RABGAP1L: variants seen among roughly 807,000 people sequenced by gnomAD.
RABGAP1L encodes rab GTPase-activating protein 1-like.
RABGAP1L carries 63 observed loss-of-function variants against 137.7 expected under a neutral mutation model. The ratio of observed to expected loss-of-function variants is 0.46; its 90% confidence interval spans 0.37 to 0.56. The LOEUF (loss-of-function observed/expected upper bound fraction) is 0.56. Among genes scored for constraint, RABGAP1L ranks in the 20% least tolerant of loss-of-function variants. The probability of loss-of-function intolerance (pLI) is 0.00; values close to 1 mark genes in which losing one functional copy is unlikely to be tolerated. For missense variants in RABGAP1L, 1,095 were observed against 1,244.0 expected (o/e 0.88, Z 1.80); for synonymous variants, 431 against 433.7 (o/e 0.99, Z 0.08).
intron 19 of RABGAP1L, among the ~76,000 whole-genome samples, chr1:174,865,574 AG>A (rs1651055079): frequency 1.0e-5 from 1 of 98,332 alleles, no homozygotes; most frequent in East Asian, 3.0e-4. Context: ...TATAGATATC[AG>A]AGATTTTTTT....
chr1:174,176,115 A>C (rs1235306863), intron 1 of RABGAP1L, among the ~76,000 whole-genome samples: 1 of 151,992 alleles, frequency 6.6e-6, no homozygotes, highest in Non-Finnish European at 1.5e-5. Flanking sequence ...AGCTGGCCTC[A>C]TATGTAGCTT....
intron 14 of RABGAP1L, among the ~76,000 whole-genome samples, chr1:174,648,645 G>A (rs1345066176): frequency 6.6e-6 from 1 of 152,108 alleles, no homozygotes; most frequent in East Asian, 1.9e-4. Context: ...TAGAATAAGT[G>A]CGATGTGGTG....
At chr1:174,811,159 T>A (rs1362518224) in intron 18 of RABGAP1L, among the ~76,000 whole-genome samples, 1 of 152,232 alleles carries the variant, frequency 6.6e-6, no homozygotes, top group Non-Finnish European at 1.5e-5. Flanking sequence ...CATTTTGTTT[T>A]CTTTTTAGTC....
intron 1 of RABGAP1L, among the ~76,000 whole-genome samples, chr1:174,194,453 C>G (rs894618328): frequency 6.6e-6 from 1 of 152,128 alleles, no homozygotes; most frequent in Non-Finnish European, 1.5e-5. Context: ...CCATGCTGGT[C>G]TCAAACTCCT....
intron 18 of RABGAP1L, among the ~76,000 whole-genome samples, chr1:174,788,176 T>C (rs1170723478): frequency 6.6e-6 from 1 of 152,230 alleles, no homozygotes; most frequent in Non-Finnish European, 1.5e-5. Context: ...TGAACTTCAT[T>C]AATAATTAGA....
At chr1:174,988,307 G>A (rs1203099403) in intron 24 of RABGAP1L, among the ~76,000 whole-genome samples, 2 of 152,166 alleles carry the variant, frequency 1.3e-5, no homozygotes, top group Non-Finnish European at 2.9e-5. Flanking sequence ...CTAGGATTAA[G>A]TGAAATACTA....
chr1:174,349,834 G>A (rs1682918684), intron 11 of RABGAP1L, among the ~76,000 whole-genome samples: 2 of 134,108 alleles, frequency 1.5e-5, no homozygotes, highest in South Asian at 5.0e-4. Flanking sequence ...TCACCTCCCA[G>A]ACGGGGCGGC....
intron 11 of RABGAP1L, among the ~76,000 whole-genome samples, chr1:174,359,287 A>C (rs1435985551): frequency 2.0e-5 from 3 of 151,536 alleles, no homozygotes; most frequent in Admixed American, 6.6e-5. Context: ...TCCTATCTAG[A>C]AACTTGTCTT....
intron 13 of RABGAP1L, among the ~76,000 whole-genome samples, chr1:174,479,308 C>T (rs1658831776): frequency 6.6e-6 from 1 of 152,176 alleles, no homozygotes. Context: ...ACAGGTCTAA[C>T]TTGTTCTTAG....
chr1:174,565,066 C>T (rs2148029981), intron 13 of RABGAP1L, among the ~76,000 whole-genome samples: 1 of 152,222 alleles, frequency 6.6e-6, no homozygotes, highest in Non-Finnish European at 1.5e-5. Context: ...ATTGAGTATG[C>T]AGGCAGTATG....
chr1:174,853,602 A>C (rs1333163448), intron 19 of RABGAP1L, among the ~76,000 whole-genome samples: 2 of 152,122 alleles, frequency 1.3e-5, no homozygotes, highest in Admixed American at 1.3e-4. Context: ...ATGGTGGCGC[A>C]CACCTGTAGT....
chr1:174,505,120 A>C (rs943556841), intron 13 of RABGAP1L, among the ~76,000 whole-genome samples: 1 of 152,220 alleles, frequency 6.6e-6, no homozygotes, highest in African/African-American at 2.4e-5. Context: ...GTTCAGTGCT[A>C]TAAGAGGAAT....
At chr1:174,394,385 A>G (rs977906575) in intron 13 of RABGAP1L, among the ~76,000 whole-genome samples, 5 of 152,236 alleles carry the variant, frequency 3.3e-5, no homozygotes, top group Non-Finnish European at 2.9e-5. Context: ...TATAATAGCT[A>G]TTTACCAAAT....
chr1:174,609,884 T>A (rs1164400604), intron 13 of RABGAP1L, among the ~76,000 whole-genome samples: 2 of 152,114 alleles, frequency 1.3e-5, no homozygotes, highest in Non-Finnish European at 2.9e-5. Context: ...AACAGTTTTT[T>A]AAATTATTTT....
chr1:174,920,826 A>G (rs925436318), intron 19 of RABGAP1L, among the ~76,000 whole-genome samples: 33 of 152,350 alleles, frequency 2.2e-4, no homozygotes, highest in African/African-American at 7.2e-4. Context: ...CTCAGAAGAT[A>G]CAACCATTGC....
At chr1:174,960,371 A>G (rs992276569) in intron 20 of RABGAP1L, among the ~76,000 whole-genome samples, 4 of 152,162 alleles carry the variant, frequency 2.6e-5, no homozygotes, top group Non-Finnish European at 5.9e-5. Flanking sequence ...CTATGTAAAC[A>G]TGTGTTTTAT....
At chr1:174,976,217 A>C in intron 22 of RABGAP1L, 35 bp downstream of exon 22, 1 of 1,472,970 alleles carries the variant, frequency 6.8e-7, no homozygotes, top group Non-Finnish European at 9.3e-7. Flanking sequence ...TTCTTTACAA[A>C]GGTATGTTGG....
chr1:174,885,790 A>AC (rs1452411161), intron 19 of RABGAP1L, among the ~76,000 whole-genome samples: 6 of 149,570 alleles, frequency 4.0e-5, no homozygotes, highest in Non-Finnish European at 8.9e-5. Flanking sequence ...ACACAGTGAA[A>AC]CCCCGTCTCC....
At chr1:174,518,700 A>G (rs925802693) in intron 13 of RABGAP1L, among the ~76,000 whole-genome samples, 1 of 152,306 alleles carries the variant, frequency 6.6e-6, no homozygotes, top group Middle Eastern at 3.4e-3. Flanking sequence ...TCAGGAATGA[A>G]TGGTGCCTTC....
Sources: gnomAD v4.1 joint callset for allele counts (sites outside exome capture counted in the v4.1 genomes callset) on GRCh38, gnomAD v4.1.1 for gene constraint, MANE v1.5 for transcripts, NCBI Gene and HGNC (gene_info 2026-07-23, HGNC 2026-07-21) for gene names.